Variants in GALNTL6 observed in about 807,000 individuals in gnomAD.
GALNTL6 encodes the protein polypeptide N-acetylgalactosaminyltransferase like 6, also known as polypeptide N-acetylgalactosaminyltransferase-like 6.
In GALNTL6, 46 loss-of-function variants were observed where a neutral mutation model predicts 73.7. That is an observed-to-expected ratio of 0.62 (90% CI 0.49 to 0.80). GALNTL6 has a LOEUF of 0.80. Among genes scored for constraint, GALNTL6 ranks in the 30% least tolerant of loss-of-function variants. The pLI, the probability that GALNTL6 is intolerant of heterozygous loss-of-function variation, is 0.00. For missense variants in GALNTL6, 604 were observed against 755.0 expected, an observed-to-expected ratio of 0.80 and a Z score of 2.34; for synonymous variants, 259 against 263.7, an observed-to-expected ratio of 0.98 and a Z score of 0.17.
At chr4:171,946,201 C>T (rs971986235) in intron 2 of GALNTL6, among the ~76,000 whole-genome samples, 2 of 152,006 alleles carry the variant, frequency 1.3e-5, no homozygotes, top group East Asian at 3.9e-4. Context: ...ATTAGAATAC[C>T]TTTCATTCCT....
chr4:171,848,844 C>G (rs536367584), intron 2 of GALNTL6, among the ~76,000 whole-genome samples: 7 of 152,294 alleles, frequency 4.6e-5, no homozygotes, highest in African/African-American at 1.7e-4. Context: ...TTCTCCGTAT[C>G]AGCAATAAGA....
chr4:171,852,641 T>C (rs1735552261), intron 2 of GALNTL6, among the ~76,000 whole-genome samples: 2 of 152,232 alleles, frequency 1.3e-5, no homozygotes, highest in South Asian at 4.1e-4. Context: ...TACGATAGCT[T>C]CACAAATTAA....
chr4:172,524,096 G>C (rs986389898), intron 5 of GALNTL6, among the ~76,000 whole-genome samples: 4 of 151,988 alleles, frequency 2.6e-5, no homozygotes, highest in Non-Finnish European at 5.9e-5. Context: ...CTATCATTTA[G>C]TTTTGTCTTT....
intron 10 of GALNTL6, among the ~76,000 whole-genome samples, chr4:172,974,879 C>A (rs1306943668): frequency 6.6e-6 from 1 of 152,218 alleles, no homozygotes; most frequent in Non-Finnish European, 1.5e-5. Flanking sequence ...CATACCACGA[C>A]CAGCTTCTAC....
At chr4:172,455,872 G>A (rs1732380294) in intron 5 of GALNTL6, among the ~76,000 whole-genome samples, 1 of 152,176 alleles carries the variant, frequency 6.6e-6, no homozygotes, top group African/African-American at 2.4e-5. Context: ...GCCTCCTCAA[G>A]TGGGTCCCTG....
At chr4:171,825,377 T>C (rs1021927715) in intron 2 of GALNTL6, among the ~76,000 whole-genome samples, 2 of 152,068 alleles carry the variant, frequency 1.3e-5, no homozygotes, top group Non-Finnish European at 2.9e-5. Context: ...AATTAAGTGA[T>C]GGGGGAAAAT....
chr4:172,317,327 G>C (rs1306508612), intron 4 of GALNTL6, among the ~76,000 whole-genome samples: 1 of 152,124 alleles, frequency 6.6e-6, no homozygotes, highest in Non-Finnish European at 1.5e-5. Context: ...ATGTTTATGT[G>C]CCCATTTCCG....
chr4:172,416,953 G>A (rs1031936571), intron 5 of GALNTL6, among the ~76,000 whole-genome samples: 1 of 152,012 alleles, frequency 6.6e-6, no homozygotes, highest in Non-Finnish European at 1.5e-5. Context: ...TACCATAAAG[G>A]TTTCAGTCCA....
At chr4:172,105,321 G>T (rs1412050639) in intron 2 of GALNTL6, among the ~76,000 whole-genome samples, 2 of 151,952 alleles carry the variant, frequency 1.3e-5, no homozygotes, top group African/African-American at 4.8e-5. Context: ...AGACACGGAA[G>T]ACATGAATTA....
At chr4:172,273,120 T>C (rs1738712188) in intron 3 of GALNTL6, among the ~76,000 whole-genome samples, 1 of 152,318 alleles carries the variant, frequency 6.6e-6, no homozygotes, top group East Asian at 1.9e-4. Context: ...ACACATATAA[T>C]TATCTAAGGC....
At chr4:172,485,618 T>G (rs1156242057) in intron 5 of GALNTL6, among the ~76,000 whole-genome samples, 3 of 152,150 alleles carry the variant, frequency 2.0e-5, no homozygotes, top group African/African-American at 7.2e-5. Context: ...ATTATGTGCC[T>G]GCTGTGTCTG....
intron 2 of GALNTL6, among the ~76,000 whole-genome samples, chr4:172,086,962 C>T (rs1441427274): frequency 2.6e-5 from 4 of 152,032 alleles, no homozygotes; most frequent in African/African-American, 9.7e-5. Context: ...ACATCCTGTC[C>T]ATAATTTAAG....
At position 172,799,263 on chromosome 4, in the gene GALNTL6, T is replaced by C. The variant is rs141748688; in HGVS notation, c.554-10098T>C. Among the ~76,000 whole-genome samples the C allele has an allele frequency of 3.3e-5, 5 of 152,326 alleles. No individual in the cohort carries two copies. In the East Asian group the frequency reaches 9.6e-4, roughly 29 times the overall value. On this transcript the variant is annotated intron_variant, in intron 5 of 12. Transcript: ENST00000506823. ...TGATGTTAAGTACTCTATAGTCACA[T>C]AGATTTAGACTGGAAGCTGAGAAGT...
intron 2 of GALNTL6, among the ~76,000 whole-genome samples, chr4:171,988,835 G>A (rs563968075): frequency 9.2e-5 from 14 of 152,002 alleles, no homozygotes; most frequent in East Asian, 5.8e-4. Context: ...GGGCATGATC[G>A]GTCGCTAAGG....
intron 2 of GALNTL6, among the ~76,000 whole-genome samples, chr4:172,107,989 A>T (rs545652908): frequency 2.6e-5 from 4 of 152,166 alleles, no homozygotes; most frequent in African/African-American, 4.8e-5. Context: ...TTAGTCAAGG[A>T]TCTAGTAGTT....
chr4:172,882,807 G>A lies in GALNTL6; in HGVS notation c.941G>A (p.Gly314Glu). 6.2e-7 allele frequency: 1 copy of A among 1,610,774 alleles called. No homozygotes were observed. The highest frequency in any genetic ancestry group is 8.5e-7 in the Non-Finnish European group (1 of 1,177,074). ...SDPFESPVMA[G>E]GLFAVDRKWF... ...TTTCACAGGTCTCCTGTTATGGCTG[G>A]AGGTCTCTTTGCTGTGGATCGGAAA... The change falls in exon 8 of 13, where the codon GGA (glycine) becomes GAA (glutamate). Residue 314 changes from glycine to glutamate, a missense_variant. Coordinates refer to ENST00000506823, the MANE Select transcript of GALNTL6 (RefSeq NM_001034845.3).
At chr4:172,123,076 C>A (rs1733196548) in intron 2 of GALNTL6, among the ~76,000 whole-genome samples, 1 of 152,178 alleles carries the variant, frequency 6.6e-6, no homozygotes, top group South Asian at 2.1e-4. Context: ...CAAACCAAGG[C>A]AGATTTCAGA....
At chr4:171,936,102 C>G (rs985786953) in intron 2 of GALNTL6, among the ~76,000 whole-genome samples, 1 of 152,146 alleles carries the variant, frequency 6.6e-6, no homozygotes, top group Admixed American at 6.6e-5. Context: ...CAGTTTCCTA[C>G]ATTAGTAAGG....
At chr4:172,781,660 A>G (rs1739375726) in intron 5 of GALNTL6, among the ~76,000 whole-genome samples, 1 of 152,098 alleles carries the variant, frequency 6.6e-6, no homozygotes, top group Non-Finnish European at 1.5e-5. Context: ...CGTAGCTGCA[A>G]ATAGAAAGAA....
Sources: gnomAD v4.1 joint callset for allele counts (sites outside exome capture counted in the v4.1 genomes callset) on GRCh38, gnomAD v4.1.1 for gene constraint, MANE v1.5 for transcripts, NCBI Gene and HGNC (gene_info 2026-07-23, HGNC 2026-07-21) for gene names.